CRPPA: variants seen among roughly 807,000 people sequenced by gnomAD.
CRPPA encodes D-ribitol-5-phosphate cytidylyltransferase.
Under a neutral mutation model 52.0 loss-of-function variants are expected in CRPPA, and 43 were observed. That is an observed-to-expected ratio of 0.83 (90% CI 0.65 to 1.07). The LOEUF (loss-of-function observed/expected upper bound fraction) is 1.07, where lower values mean the gene tolerates loss of function less well. Ranked by LOEUF, CRPPA falls within the 50% of genes least tolerant of loss-of-function variation. CRPPA has a pLI of 0.00. For missense variants in CRPPA, 629 were observed against 551.7 expected, an observed-to-expected ratio of 1.14 and a Z score of -1.40; for synonymous variants, 250 against 203.5, an observed-to-expected ratio of 1.23 and a Z score of -1.94.
intron 1 of CRPPA, among the ~76,000 whole-genome samples, chr7:16,409,870 T>C (rs927500723): frequency 6.6e-6 from 1 of 152,228 alleles, no homozygotes; most frequent in African/African-American, 2.4e-5. Context: ...AGGCTCCATA[T>C]AGAGACAATG....
intron 1 of CRPPA, among the ~76,000 whole-genome samples, chr7:16,411,403 G>C (rs933502971): frequency 1.3e-5 from 2 of 152,016 alleles, no homozygotes; most frequent in African/African-American, 4.8e-5. Context: ...TGCATCTACA[G>C]CACTTCATTT....
chr7:16,355,472 G>A (rs773780308), intron 3 of CRPPA, among the ~76,000 whole-genome samples: 47 of 152,152 alleles, frequency 3.1e-4, no homozygotes, highest in African/African-American at 1.1e-3. Context: ...TGCCTATTGC[G>A]CTCATGTAAC....
chr7:16,117,523 G>A (rs1462207384), intron 9 of CRPPA, among the ~76,000 whole-genome samples: 1 of 152,172 alleles, frequency 6.6e-6, no homozygotes, highest in Non-Finnish European at 1.5e-5. Context: ...CCCTCCAGCA[G>A]CCCTGGCTGG....
intron 8 of CRPPA, among the ~76,000 whole-genome samples, chr7:16,218,884 G>A (rs1460482285): frequency 1.3e-5 from 2 of 151,208 alleles, no homozygotes; most frequent in East Asian, 1.9e-4. Context: ...ACAGATCAAC[G>A]AGACAGAAAG....
At position 16,327,599 on chromosome 7, in the gene CRPPA, CAAAAAAAAAAAA is replaced by C. The variant is rs71007762; in HGVS notation, c.685-18984_685-18973del. Among the ~76,000 whole-genome samples, 581 of 70,116 alleles carry C rather than the reference CAAAAAAAAAAAA, an allele frequency of 8.3e-3. 11 individuals carry two copies. The highest frequency in any genetic ancestry group is 9.8e-3 in the Admixed American group (45 of 4,582). 46.0% of individuals were successfully genotyped at this position (70,116 alleles called of 152,430 possible). ...TGGGCGACAGAGCGAGACTCCGTCT[CAAAAAAAAAAAA>C]AAAAAAAAAAAAAAAAGAGTAAATC... On this transcript the variant is annotated intron_variant, in intron 3 of 9. Coordinates refer to ENST00000407010, the MANE Select transcript of CRPPA (RefSeq NM_001101426.4).
intron 1 of CRPPA, among the ~76,000 whole-genome samples, chr7:16,408,116 A>AT (rs1052760268): frequency 1.1e-4 from 17 of 149,608 alleles, no homozygotes; most frequent in South Asian, 2.1e-4. Flanking sequence ...TTTAAAAAAA[A>AT]AAAAATAAAA....
At chr7:16,386,318 G>A (rs1421512664) in intron 2 of CRPPA, among the ~76,000 whole-genome samples, 1 of 152,132 alleles carries the variant, frequency 6.6e-6, no homozygotes. Flanking sequence ...TTGTCTGTCT[G>A]CTCTTCTGCT....
chr7:16,321,760 G>A (rs1785270823), intron 3 of CRPPA, among the ~76,000 whole-genome samples: 1 of 152,100 alleles, frequency 6.6e-6, no homozygotes, highest in South Asian at 2.1e-4. Flanking sequence ...TTCATAGGCA[G>A]TTAAAAATAT....
intron 8 of CRPPA, among the ~76,000 whole-genome samples, chr7:16,249,466 T>G (rs1445301194): frequency 6.6e-6 from 1 of 152,156 alleles, no homozygotes; most frequent in Admixed American, 6.5e-5. Flanking sequence ...GATGGACATC[T>G]CATACAGGAG....
chr7:16,207,815 G>A (rs1782008290), intron 9 of CRPPA, among the ~76,000 whole-genome samples: 1 of 152,120 alleles, frequency 6.6e-6, no homozygotes, highest in Admixed American at 6.5e-5. Context: ...AATAGAGCAG[G>A]AGTTTTACTG....
At chr7:16,181,735 A>C (rs1256112318) in intron 9 of CRPPA, among the ~76,000 whole-genome samples, 1 of 152,068 alleles carries the variant, frequency 6.6e-6, no homozygotes, top group African/African-American at 2.4e-5. Context: ...ACATATGTGT[A>C]ATTATTTCTC....
In CRPPA at chr7:16,286,097, A is replaced by AAAATATATAT; in HGVS notation, c.836-7872_836-7871insATATATATTT. Reference sequence around the variant, plus strand: ...TATATATATAATATTTAAAAAAAAAAATATATATATATATATATATGCCAA... The same window carrying AAAATATATAT: ...TATATATATAATATTTAAAAAAAAAAAAATATATATATATATATATATATATATATGCCAA... On this transcript the variant is annotated intron_variant, in intron 5 of 9. Coordinates refer to ENST00000407010, the MANE Select transcript of CRPPA (RefSeq NM_001101426.4). Among the ~76,000 whole-genome samples the AAAATATATAT allele has an allele frequency of 4.3e-3, 167 of 39,110 alleles. 12 individuals are homozygous for AAAATATATAT. Among genetic ancestry groups the AAAATATATAT allele is most frequent in the East Asian group, 0.033 (54 of 1,620 alleles). The allele number at this position is 39,110 out of a possible 152,430, so 25.7% of individuals were successfully genotyped here.
At chr7:16,397,069 G>C (rs149912201) in intron 2 of CRPPA, among the ~76,000 whole-genome samples, 1 of 152,190 alleles carries the variant, frequency 6.6e-6, no homozygotes, top group Non-Finnish European at 1.5e-5. Flanking sequence ...ACAGGTGGGA[G>C]AAAACACATG....
intron 9 of CRPPA, among the ~76,000 whole-genome samples, chr7:16,200,820 T>C (rs1583424752): frequency 6.6e-6 from 1 of 152,206 alleles, no homozygotes; most frequent in Admixed American, 6.5e-5. Flanking sequence ...CACACGGTAA[T>C]GTGGTGAGAA....
chr7:16,150,617 A>T (rs1462164077), intron 9 of CRPPA, among the ~76,000 whole-genome samples: 2 of 152,364 alleles, frequency 1.3e-5, no homozygotes, highest in East Asian at 3.9e-4. Context: ...AAAAATGAGT[A>T]AGAGTTAAGC....
chr7:16,286,646 T>C (rs1784456890), intron 5 of CRPPA, among the ~76,000 whole-genome samples: 2 of 152,176 alleles, frequency 1.3e-5, no homozygotes, highest in African/African-American at 4.8e-5. Context: ...CTATAGCCTG[T>C]GTTTTAGATG....
chr7:16,240,248 C>G (rs1157678852), intron 8 of CRPPA, among the ~76,000 whole-genome samples: 1 of 150,208 alleles, frequency 6.7e-6, no homozygotes, highest in Non-Finnish European at 1.5e-5. Flanking sequence ...GTATTTTTAA[C>G]CAGTATTTAT....
At chr7:16,408,333 CA>C (rs1788003465) in intron 1 of CRPPA, among the ~76,000 whole-genome samples, 1 of 152,056 alleles carries the variant, frequency 6.6e-6, no homozygotes, top group South Asian at 2.1e-4. Context: ...CACTGAGACA[CA>C]AGGGATGGGT....
rs2128379198 is a variant in CRPPA, at chr7:16,152,472, A to G, written c.1252-60673T>C. 1.3e-5 allele frequency among the ~76,000 whole-genome samples: 2 copies of G among 152,104 alleles called. 1 individual carries two copies. Among genetic ancestry groups the G allele is most frequent in the Middle Eastern group, 6.8e-3 (2 of 294 alleles). On this transcript the variant is annotated intron_variant, in intron 9 of 9. Transcript: ENST00000407010. The stretch of plus-strand genomic sequence containing the variant: ...GGGACTTCTGTTGGACGAATACTTA[A>G]TTTGCCTTACTGTGAATTAAAAGTG...
Sources: gnomAD v4.1 joint callset for allele counts (sites outside exome capture counted in the v4.1 genomes callset) on GRCh38, gnomAD v4.1.1 for gene constraint, MANE v1.5 for transcripts, NCBI Gene and HGNC (gene_info 2026-07-23, HGNC 2026-07-21) for gene names.